Variants in ACP5 observed in about 807,000 individuals in gnomAD.
The protein encoded by ACP5 is acid phosphatase 5, tartrate resistant.
A neutral mutation model predicts 28.7 loss-of-function variants in ACP5; 24 were observed. That is an observed-to-expected ratio of 0.84 (90% CI 0.61 to 1.18). ACP5 has a LOEUF of 1.18. Ranked by LOEUF, ACP5 falls within the 50% of genes most tolerant of loss-of-function variation. ACP5 has a pLI of 0.00. For synonymous variants in ACP5, 154 were observed against 181.4 expected, an observed-to-expected ratio of 0.85 and a Z score of 1.21; for missense variants, 354 against 422.2, an observed-to-expected ratio of 0.84 and a Z score of 1.42.
chr19:11,576,096 G>C, intron 4 of ACP5, 147 bp downstream of exon 4: 2 of 621,584 alleles, frequency 3.2e-6, no homozygotes, highest in East Asian at 5.7e-5. Flanking sequence ...GTGTTTTCCT[G>C]GTTAGACAGC....
At position 11,576,320 on chromosome 19, in the gene ACP5, G is replaced by A. The variant is rs780454598; in HGVS notation, c.658C>T (p.Leu220=). 68 of 1,611,556 alleles carry A rather than the reference G, an allele frequency of 4.2e-5. No individual in the cohort carries two copies. Among genetic ancestry groups the A allele is most frequent in the Non-Finnish European group, 5.6e-5 (66 of 1,179,924 alleles). The part of the protein sequence containing the change: ...SIAEHGPTHC[L]VKQLRPLLAT... ...AGCAGTGGCCGTAGCTGCTTGACCA[G>A]GCAGTGGGTAGGCCCGTGCTCGGCT... The change falls in exon 4 of 5, where the codon CTG becomes TTG. Residue 220 remains leucine, a synonymous_variant. Transcript: ENST00000648477.
intron 4 of ACP5, 149 bp downstream of exon 4, chr19:11,576,094 C>T (rs1007915466): frequency 1.7e-6 from 1 of 595,980 alleles, no homozygotes; most frequent in African/African-American, 1.9e-5. Context: ...GAGTGTTTTC[C>T]TGGTTAGACA....
chr19:11,577,769 A>C, upstream of ACP5: 1 of 258,900 alleles, frequency 3.9e-6, no homozygotes, highest in Non-Finnish European at 7.7e-6. The surrounding 1 kb of genome is among the most constrained non-coding windows in gnomAD (Gnocchi z 5.7). Flanking sequence ...TGAGCCCTGG[A>C]CTTCCCTGGA....
upstream of ACP5, chr19:11,578,949 G>T (rs1023650991): frequency 2.6e-5 from 4 of 152,352 alleles, no homozygotes; most frequent in Admixed American, 2.0e-4. Flanking sequence ...GATCCGCCCT[G>T]CTCGAGGGCT....
In ACP5 at chr19:11,577,337, C is replaced by A; in HGVS notation, c.1-20G>T. On this transcript the variant is annotated intron_variant, in intron 1 of 4. Coordinates refer to ENST00000648477, the MANE Select transcript of ACP5 (RefSeq NM_001611.5). This position sits in a 1 kb window ranked among gnomAD's most constrained non-coding sequence, Gnocchi z 5.7. ...GTCCATCTGGGAGAAGAGAGACAAG[C>A]ATAGGTGGCCCGGGCTGTGACAAGG... 6.2e-7 allele frequency: 1 copy of A among 1,611,808 alleles called. No homozygotes were observed. The highest frequency in any genetic ancestry group is 8.5e-7 in the Non-Finnish European group (1 of 1,178,962).
chr19:11,577,117 C>T lies in ACP5; in HGVS notation c.201G>A (p.Leu67=), dbSNP rs1973195598. ...TVQILGADFI[L]SLGDNFYFTG... is the part of the protein sequence containing the mutation. ...TGAAGTAAAAATTGTCCCCTAGAGA[C>T]AGGATGAAGTCTGCACCCAGGATCT... Residue 67 remains leucine (L), a synonymous_variant, in exon 2 of 5, where the codon CTG becomes CTA. Transcript: ENST00000648477. This position sits in a 1 kb window ranked among gnomAD's most constrained non-coding sequence, Gnocchi z 5.7. 3.1e-6 allele frequency: 5 copies of T among 1,614,054 alleles called. No individual in the cohort carries two copies. Among genetic ancestry groups the T allele is most frequent in the Non-Finnish European group, 4.2e-6 (5 of 1,180,030 alleles).
rs1973069920 is a variant in ACP5 at position 11,574,961 on chromosome 19, C to T, written c.*49G>A. 1 of 1,612,064 alleles carries T rather than the reference C, an allele frequency of 6.2e-7. No individual in the cohort carries two copies. The highest frequency in any genetic ancestry group is 1.3e-5 in the African/African-American group (1 of 75,024). The stretch of plus-strand genomic sequence containing the variant: ...GTGAGCAGGGTCCCGGCAGGGCCCA[C>T]CCACCCAACAGTGGAGATCGGGCCT... On this transcript the variant is annotated 3_prime_UTR_variant, in exon 5 of 5. Transcript: ENST00000648477.
At chr19:11,575,422 G>A (rs1489946668) in intron 4 of ACP5, 170 bp from the exon 5 acceptor site, 3 of 789,532 alleles carry the variant, frequency 3.8e-6, no homozygotes, top group Non-Finnish European at 6.2e-6. Flanking sequence ...CATAGGTAGA[G>A]CACTTAGTAA....
At chr19:11,575,288 G>A in intron 4 of ACP5, 36 bp from the exon 5 acceptor site, 1 of 1,612,338 alleles carries the variant, frequency 6.2e-7, no homozygotes, top group Non-Finnish European at 8.5e-7. Context: ...TGGAGACCCA[G>A]CTTTGAGCAG....
chr19:11,576,089 T>C (rs1473562886), intron 4 of ACP5, among the ~76,000 whole-genome samples, 154 bp downstream of exon 4: 1 of 151,322 alleles, frequency 6.6e-6, no homozygotes. Flanking sequence ...CTTTGGAGTG[T>C]TTTCCTGGTT....
chr19:11,576,263 C>T lies in ACP5; in HGVS notation c.715G>A (p.Gly239Ser), dbSNP rs762775321. The change falls in exon 4 of 5, where the codon GGC becomes AGC. Residue 239 changes from glycine to serine, a missense_variant. By Grantham distance (56) the Gly-to-Ser change is moderately conservative (BLOSUM62 0). Coordinates refer to ENST00000648477, the MANE Select transcript of ACP5 (RefSeq NM_001611.5). Reference protein sequence around the residue: ...ATYGVTAYLCGHDHNLQYLQD... With the variant: ...ATYGVTAYLCSHDHNLQYLQD... The stretch of plus-strand genomic sequence containing the variant: ...CTCACCTGCAGATTGTGATCGTGGC[C>T]GCACAGGTAGGCAGTGACCCCGTAT... 19 of 1,607,740 alleles carry T rather than the reference C, an allele frequency of 1.2e-5. No homozygotes were observed. Among genetic ancestry groups the T allele is most frequent in the Middle Eastern group, 2.0e-4 (1 of 5,088 alleles).
chr19:11,577,321 G>T lies in ACP5; in HGVS notation c.1-4C>A, dbSNP rs762234725. ...GCAGCGCCGTCCACATGTCCATCTG[G>T]GAGAAGAGAGACAAGCATAGGTGGC... On this transcript the variant is annotated splice_region_variant and splice_polypyrimidine_tract_variant and intron_variant, in intron 1 of 4. Transcript: ENST00000648477. The surrounding 1 kb of genome is among the most constrained non-coding windows in gnomAD (Gnocchi z 5.7). The T allele has an allele frequency of 1.5e-5, 25 of 1,613,606 alleles. No individual in the cohort carries two copies. Among genetic ancestry groups the T allele is most frequent in the Non-Finnish European group, 2.1e-5 (25 of 1,179,728 alleles).
At position 11,576,750 on chromosome 19, in the gene ACP5, C is replaced by T; in HGVS notation, c.355G>A (p.Ala119Thr). 2 of 1,614,014 alleles carry T rather than the reference C, an allele frequency of 1.2e-6. No homozygotes were observed. Among genetic ancestry groups the T allele is most frequent in the Non-Finnish European group, 1.7e-6 (2 of 1,179,998 alleles). Residue 119 changes from alanine to threonine, a missense_variant, in exon 3 of 5, where the codon GCC (alanine) becomes ACC (threonine). Transcript: ENST00000648477. ...GAGATCTTAGAGTATGCAATCTGGG[C>T]AGAGACATTGCCAAGGTGGTCATGG... The part of the protein sequence containing the change: ...GNHDHLGNVS[A>T]QIAYSKISKR...
chr19:11,575,051 A>T lies in ACP5; in HGVS notation c.937T>A (p.Ser313Thr). The change falls in exon 5 of 5, where the codon TCC (serine) becomes ACC (threonine). Residue 313 changes from serine to threonine, a missense_variant. Ser to Thr is a moderately conservative substitution (Grantham distance 58, BLOSUM62 1). Coordinates refer to ENST00000648477, the MANE Select transcript of ACP5 (RefSeq NM_001611.5). ...TVTYIEASGK[S>T]LFKTRLPRRA... The stretch of plus-strand genomic sequence containing the variant: ...CTCGGCAGCCTGGTCTTAAAGAGGG[A>T]CTTGCCCGAGGCCTCGATGTAAGTG... 6.2e-7 allele frequency: 1 copy of T among 1,614,128 alleles called. No individual in the cohort carries two copies. The highest frequency in any genetic ancestry group is 8.5e-7 in the Non-Finnish European group (1 of 1,180,010).
At position 11,576,335 on chromosome 19, in the gene ACP5, C is replaced by A; in HGVS notation, c.643G>T (p.Gly215Trp). 6.2e-7 allele frequency: 1 copy of A among 1,611,418 alleles called. No individual in the cohort carries two copies. The highest frequency in any genetic ancestry group is 1.7e-4 in the Middle Eastern group (1 of 5,892). ...TGCTTGACCAGGCAGTGGGTAGGCC[C>A]GTGCTCGGCTATGGACCACACGGGG... ...HYPVWSIAEH[G>W]PTHCLVKQLR... Residue 215 changes from glycine to tryptophan, a missense_variant, in exon 4 of 5, where the codon GGG (glycine) becomes TGG (tryptophan). Coordinates refer to ENST00000648477, the MANE Select transcript of ACP5 (RefSeq NM_001611.5).
chr19:11,578,401 C>G (rs1431399503), upstream of ACP5, among the ~76,000 whole-genome samples: 1 of 152,168 alleles, frequency 6.6e-6, no homozygotes, highest in African/African-American at 2.4e-5. Context: ...CACACCCTCC[C>G]CTCCCCCCAG....
chr19:11,577,073 T>C lies in ACP5; in HGVS notation c.245A>G (p.Asn82Ser), dbSNP rs202233676. ...NFYFTGVQDI[N>S]DKRFQETFED... is the part of the protein sequence containing the mutation. ...GGCACAGACCTGGAACCTCTTGTCA[T>C]TGATGTCTTGCACACCAGTGAAGTA... Residue 82 changes from asparagine to serine, a missense_variant, in exon 2 of 5, where the codon AAT becomes AGT. Coordinates refer to ENST00000648477, the MANE Select transcript of ACP5 (RefSeq NM_001611.5). This position sits in a 1 kb window ranked among gnomAD's most constrained non-coding sequence, Gnocchi z 5.7. The C allele has an allele frequency of 4.3e-6, 7 of 1,613,988 alleles. No individual in the cohort carries two copies. The East Asian group carries it at 1.1e-4, about 26-fold the overall frequency.
At chr19:11,578,456 G>A (rs915936448), upstream of ACP5, 1 of 152,446 alleles carries the variant, frequency 6.6e-6, no homozygotes, top group Non-Finnish European at 1.5e-5. Flanking sequence ...CAGCTAGCTG[G>A]TGATAGCGCG....
At chr19:11,575,835 A>G (rs1019057447) in intron 4 of ACP5, among the ~76,000 whole-genome samples, 6 of 150,314 alleles carry the variant, frequency 4.0e-5, no homozygotes, top group South Asian at 2.1e-4. Context: ...CCCTCTCAAA[A>G]AAAAAAAAAA....
Sources: gnomAD v4.1 joint callset for allele counts (sites outside exome capture counted in the v4.1 genomes callset) on GRCh38, gnomAD v4.1.1 for gene constraint, Gnocchi (gnomAD v3.1) non-coding constraint, MANE v1.5 for transcripts, NCBI Gene and HGNC (gene_info 2026-07-23, HGNC 2026-07-21) for gene names.